The following ZNF385B variants were observed in gnomAD, a reference collection of about 807,000 sequenced individuals.
ZNF385B encodes zinc finger protein 533.
Under a neutral mutation model 39.2 loss-of-function variants are expected in ZNF385B, and 23 were observed. The observed-to-expected ratio is 0.59, with a 90% CI of 0.42 to 0.83. The LOEUF is 0.83. Ranked by LOEUF, ZNF385B falls within the 40% of genes least tolerant of loss-of-function variation. The pLI is 0.00. For synonymous variants in ZNF385B, 205 were observed against 222.6 expected (o/e 0.92, Z 0.70); for missense variants, 552 against 598.9 (o/e 0.92, Z 0.82).
At chr2:179,509,542 A>AGC (rs1414011956) in intron 5 of ZNF385B, among the ~76,000 whole-genome samples, 1 of 152,190 alleles carries the variant, frequency 6.6e-6, no homozygotes, top group African/African-American at 2.4e-5. Flanking sequence ...TCTGCAAAGC[A>AGC]GAGAATTACC....
At chr2:179,542,954 A>C (rs923183271) in intron 4 of ZNF385B, among the ~76,000 whole-genome samples, 2 of 152,154 alleles carry the variant, frequency 1.3e-5, no homozygotes, top group African/African-American at 4.8e-5. Context: ...GTAAGTATTC[A>C]TGTATTATTT....
At chr2:179,583,857 C>T in intron 3 of ZNF385B, 2 of 1,273,668 alleles carry the variant, frequency 1.6e-6, no homozygotes, top group Non-Finnish European at 2.1e-6. Context: ...GGAGTGAAAC[C>T]TCAGATCTTA....
chr2:179,844,542 G>A (rs1354092847), intron 1 of ZNF385B, among the ~76,000 whole-genome samples: 1 of 152,024 alleles, frequency 6.6e-6, no homozygotes, highest in Non-Finnish European at 1.5e-5. Flanking sequence ...TGCTACCACT[G>A]GTGTTATTTC....
intron 3 of ZNF385B, among the ~76,000 whole-genome samples, chr2:179,700,899 A>G (rs1358161873): frequency 6.6e-6 from 1 of 152,228 alleles, no homozygotes; most frequent in Non-Finnish European, 1.5e-5. Flanking sequence ...TTGTAGTCGC[A>G]GCTACTCGGG....
At chr2:179,842,311 TAA>T (rs1358016539) in intron 1 of ZNF385B, among the ~76,000 whole-genome samples, 8 of 152,126 alleles carry the variant, frequency 5.3e-5, no homozygotes, top group Non-Finnish European at 1.2e-4. Context: ...AAACTAAAAA[TAA>T]AGTTATTTTT....
At chr2:179,529,153 T>G (rs997342884) in intron 4 of ZNF385B, among the ~76,000 whole-genome samples, 1 of 152,142 alleles carries the variant, frequency 6.6e-6, no homozygotes, top group African/African-American at 2.4e-5. Context: ...CATATTCAGG[T>G]TTTAAATGCA....
chr2:179,752,080 C>T (rs1156280984), intron 3 of ZNF385B, among the ~76,000 whole-genome samples: 1 of 152,026 alleles, frequency 6.6e-6, no homozygotes, highest in African/African-American at 2.4e-5. Context: ...TGTTATCCCT[C>T]CCCCTCTCCC....
chr2:179,692,806 G>C (rs1698455315), intron 3 of ZNF385B, among the ~76,000 whole-genome samples: 1 of 152,154 alleles, frequency 6.6e-6, no homozygotes. Flanking sequence ...CATGGTTAGT[G>C]CCTCTCCCTC....
intron 6 of ZNF385B, among the ~76,000 whole-genome samples, chr2:179,475,396 C>T (rs1043044585): frequency 1.6e-4 from 24 of 151,906 alleles, no homozygotes; most frequent in African/African-American, 5.3e-4. Flanking sequence ...GGACTACAGG[C>T]GCCCGCCACC....
chr2:179,700,690 T>C (rs1283650789), intron 3 of ZNF385B, among the ~76,000 whole-genome samples: 1 of 152,044 alleles, frequency 6.6e-6, no homozygotes, highest in Non-Finnish European at 1.5e-5. Flanking sequence ...ATTTTCAGAG[T>C]AAATCATGAG....
rs1704570358 is a variant in ZNF385B at position 179,780,002 on chromosome 2, G to A, written c.-154-9330C>T. On this transcript the variant is annotated intron_variant, in intron 1 of 9. Coordinates refer to ENST00000410066, the MANE Select transcript of ZNF385B (RefSeq NM_152520.6). ...GAGATTCTGATTTAATTGGTCTGCT[G>A]CTGGGGTTGGAGGAGAGGGTAAGTG... Among the ~76,000 whole-genome samples, 5 of 152,098 alleles carry A rather than the reference G, an allele frequency of 3.3e-5. No individual in the cohort carries two copies. In the South Asian group the frequency reaches 1.0e-3, roughly 31 times the overall value.
intron 3 of ZNF385B, among the ~76,000 whole-genome samples, chr2:179,633,537 T>C (rs1040600318): frequency 2.0e-5 from 3 of 152,198 alleles, no homozygotes; most frequent in Non-Finnish European, 4.4e-5. Flanking sequence ...AAATTAGGTA[T>C]TGATGGAATG....
At chr2:179,729,071 ATATT>A (rs543416932) in intron 3 of ZNF385B, among the ~76,000 whole-genome samples, 1 of 151,596 alleles carries the variant, frequency 6.6e-6, no homozygotes, top group East Asian at 1.9e-4. Flanking sequence ...TTCACATAAA[ATATT>A]TACTCTAAAG....
chr2:179,765,316 CA>C (rs1262015879), intron 3 of ZNF385B, among the ~76,000 whole-genome samples: 1 of 152,146 alleles, frequency 6.6e-6, no homozygotes, highest in African/African-American at 2.4e-5. Flanking sequence ...CTGCCTAGTA[CA>C]AACTCCAACT....
chr2:179,848,621 G>A (rs1181639837), intron 1 of ZNF385B, among the ~76,000 whole-genome samples: 3 of 152,086 alleles, frequency 2.0e-5, no homozygotes, highest in African/African-American at 7.2e-5. Flanking sequence ...TAAGATATAC[G>A]ACCCCACATC....
intron 1 of ZNF385B, among the ~76,000 whole-genome samples, chr2:179,848,096 T>C (rs1393219375): frequency 6.6e-6 from 1 of 152,126 alleles, no homozygotes; most frequent in Non-Finnish European, 1.5e-5. Context: ...GTAGACTGAT[T>C]CGCTGTAAAA....
At chr2:179,641,966 C>G (rs1314478207) in intron 3 of ZNF385B, among the ~76,000 whole-genome samples, 1 of 152,132 alleles carries the variant, frequency 6.6e-6, no homozygotes, top group Non-Finnish European at 1.5e-5. Context: ...CTTAGCAGCA[C>G]TGTCTGTCTC....
intron 1 of ZNF385B, among the ~76,000 whole-genome samples, chr2:179,819,034 T>TACACACACACACACACAC (rs10556902): frequency 6.8e-6 from 1 of 148,090 alleles, no homozygotes; most frequent in Non-Finnish European, 1.5e-5. Context: ...TGTTTATAAA[T>TACACACACACACACACAC]ACACACACAC....
At chr2:179,854,889 A>C (rs1469217441) in intron 1 of ZNF385B, among the ~76,000 whole-genome samples, 1 of 152,224 alleles carries the variant, frequency 6.6e-6, no homozygotes, top group African/African-American at 2.4e-5. Context: ...TGAAGATTTA[A>C]CTGCAAATAT....
Sources: gnomAD v4.1 joint callset for allele counts (sites outside exome capture counted in the v4.1 genomes callset) on GRCh38, gnomAD v4.1.1 for gene constraint, MANE v1.5 for transcripts, NCBI Gene and HGNC (gene_info 2026-07-23, HGNC 2026-07-21) for gene names.